Variants in ERC2 observed in about 807,000 individuals in gnomAD.
ERC2 encodes the protein ELKS/RAB6-interacting/CAST family member 2.
Under a neutral mutation model 114.8 loss-of-function variants are expected in ERC2, and 42 were observed. That is an observed-to-expected ratio of 0.37 (90% confidence interval 0.29 to 0.47). ERC2 has a LOEUF of 0.47. ERC2 is among the 20% of genes least tolerant of loss of function. The pLI is 0.99. For synonymous variants in ERC2, 454 were observed against 425.5 expected (o/e 1.07, Z -0.82); for missense variants, 939 against 1,150.7 (o/e 0.82, Z 2.66).
intron 13 of ERC2, among the ~76,000 whole-genome samples, chr3:55,920,965 T>C (rs1009921586): frequency 2.0e-5 from 3 of 152,060 alleles, no homozygotes; most frequent in Non-Finnish European, 4.4e-5. Flanking sequence ...GCTTCAAACC[T>C]AGGGGGCTAA....
chr3:56,343,160 T>C (rs2058156311), intron 2 of ERC2, among the ~76,000 whole-genome samples: 1 of 132,118 alleles, frequency 7.6e-6, no homozygotes, highest in Admixed American at 8.7e-5. Flanking sequence ...TTAGGATCTC[T>C]CTCTCTTTCT....
chr3:56,166,755 G>A (rs565656202), intron 4 of ERC2, among the ~76,000 whole-genome samples: 21 of 151,984 alleles, frequency 1.4e-4, no homozygotes, highest in Non-Finnish European at 2.8e-4. Context: ...TTTCATCCCT[G>A]ATATTGGTTA....
At chr3:55,766,060 C>T (rs1298681522) in intron 14 of ERC2, among the ~76,000 whole-genome samples, 1 of 152,144 alleles carries the variant, frequency 6.6e-6, no homozygotes, top group South Asian at 2.1e-4. Context: ...GGCCAAGTCC[C>T]AGGACACTAA....
chr3:56,037,365 G>C (rs1294652418), intron 7 of ERC2, among the ~76,000 whole-genome samples: 3 of 152,174 alleles, frequency 2.0e-5, no homozygotes, highest in African/African-American at 4.8e-5. Flanking sequence ...TAAATGACTT[G>C]ATAGAGCTGA....
chr3:55,988,517 G>A (rs2070808156), intron 11 of ERC2, among the ~76,000 whole-genome samples: 1 of 152,186 alleles, frequency 6.6e-6, no homozygotes, highest in Non-Finnish European at 1.5e-5. Context: ...TATCTGGAAT[G>A]GGAAGATTAA....
chr3:55,753,174 T>C (rs2066824607), intron 14 of ERC2, among the ~76,000 whole-genome samples: 1 of 152,124 alleles, frequency 6.6e-6, no homozygotes, highest in South Asian at 2.1e-4. Flanking sequence ...TGGGCTGTGA[T>C]TTCTCAATTC....
rs2060816431 is a variant in ERC2, at chr3:55,835,210, C to G, written c.2564+53179G>C. Among the ~76,000 whole-genome samples the G allele has an allele frequency of 2.6e-5, 4 of 152,064 alleles. No individual in the cohort carries two copies. The South Asian group carries it at 8.3e-4, about 32-fold the overall frequency. On this transcript the variant is annotated intron_variant, in intron 14 of 17. Coordinates refer to ENST00000288221, the MANE Select transcript of ERC2 (RefSeq NM_015576.3). ...TGGTACCATTCCTTCTGAAACTATT[C>G]CAACGAACAGAAAAAGAGGGAATCC...
intron 17 of ERC2, among the ~76,000 whole-genome samples, chr3:55,607,189 G>A (rs1335764354): frequency 6.6e-6 from 1 of 152,110 alleles, no homozygotes; most frequent in African/African-American, 2.4e-5. Context: ...GAGCTTATGG[G>A]GTATGTGGGA....
chr3:56,229,506 G>T (rs4974186), intron 3 of ERC2, among the ~76,000 whole-genome samples: 81,979 of 151,984 alleles, frequency 0.54, 22,678 homozygotes, highest in East Asian at 0.83. Context: ...AACTGTAAGA[G>T]CTAAGGGTTC....
chr3:55,691,227 C>T (rs781364948), intron 16 of ERC2, among the ~76,000 whole-genome samples: 1 of 152,038 alleles, frequency 6.6e-6, no homozygotes, highest in African/African-American at 2.4e-5. Context: ...GAGACATCTG[C>T]GATATCTTTC....
chr3:56,182,659 T>G (rs2083350715), intron 3 of ERC2, among the ~76,000 whole-genome samples: 1 of 152,220 alleles, frequency 6.6e-6, no homozygotes, highest in Admixed American at 6.5e-5. Flanking sequence ...TACTGAACTG[T>G]ACTGCAGAAA....
intron 1 of ERC2, among the ~76,000 whole-genome samples, chr3:56,445,663 G>GC (rs1312008926): frequency 6.6e-6 from 1 of 152,118 alleles, no homozygotes; most frequent in Admixed American, 6.5e-5. Context: ...ACAGCCAACA[G>GC]CCCCCGCCTC....
intron 3 of ERC2, among the ~76,000 whole-genome samples, chr3:56,226,665 G>T (rs369848336): frequency 1.3e-5 from 2 of 152,044 alleles, no homozygotes; most frequent in African/African-American, 4.8e-5. Context: ...ATGACAAATG[G>T]GTCTCCACCC....
At chr3:55,757,553 G>A (rs990040455) in intron 14 of ERC2, among the ~76,000 whole-genome samples, 4 of 152,092 alleles carry the variant, frequency 2.6e-5, no homozygotes, top group Non-Finnish European at 5.9e-5. Context: ...TAATAACACA[G>A]TGCCTTACTT....
At position 55,615,588 on chromosome 3, in the gene ERC2, C is replaced by T. The variant is rs941672776; in HGVS notation, c.*39+68206G>A. On this transcript the variant is annotated intron_variant, in intron 17 of 17. Coordinates refer to ENST00000288221, the MANE Select transcript of ERC2 (RefSeq NM_015576.3). ...GGCCCCAGGGAAAGGTCTTAGCATC[C>T]GCGAAATAAAGTAAGGTTTAATATT... Among the ~76,000 whole-genome samples the T allele has an allele frequency of 4.0e-5, 6 of 151,874 alleles. No individual in the cohort carries two copies. The South Asian group carries it at 8.3e-4, about 21-fold the overall frequency.
intron 6 of ERC2, among the ~76,000 whole-genome samples, chr3:56,081,188 T>C (rs550138610): frequency 6.3e-5 from 6 of 94,784 alleles, no homozygotes; most frequent in African/African-American, 1.6e-4. Flanking sequence ...TCAATAGTGA[T>C]ACTTTAAAAA....
chr3:55,827,784 G>A (rs982849741), intron 14 of ERC2, among the ~76,000 whole-genome samples: 15 of 152,192 alleles, frequency 9.9e-5, no homozygotes, highest in African/African-American at 3.1e-4. Context: ...ACAAACGCTT[G>A]GACTTAAGCC....
chr3:56,195,715 T>C (rs1001898818), intron 3 of ERC2, among the ~76,000 whole-genome samples: 3 of 152,042 alleles, frequency 2.0e-5, no homozygotes, highest in Admixed American at 1.3e-4. Flanking sequence ...TAGTCCCAGC[T>C]ACTGGGGACT....
intron 17 of ERC2, among the ~76,000 whole-genome samples, chr3:55,515,276 C>T (rs1262027750): frequency 1.3e-5 from 2 of 152,048 alleles, no homozygotes; most frequent in Non-Finnish European, 2.9e-5. Context: ...TCAACATGCA[C>T]ATAAACAAAC....
Sources: gnomAD v4.1 joint callset for allele counts (sites outside exome capture counted in the v4.1 genomes callset) on GRCh38, gnomAD v4.1.1 for gene constraint, MANE v1.5 for transcripts, NCBI Gene and HGNC (gene_info 2026-07-23, HGNC 2026-07-21) for gene names.